GALNT2: variants seen among roughly 807,000 people sequenced by gnomAD.
The protein encoded by GALNT2 is UDP-GalNAc:polypeptide N-acetylgalactosaminyltransferase 2.
In GALNT2, 31 loss-of-function variants were observed where a neutral mutation model predicts 81.4. The ratio of observed to expected loss-of-function variants is 0.38; its 90% CI spans 0.29 to 0.51. The LOEUF (loss-of-function observed/expected upper bound fraction) is 0.51. GALNT2 is among the 20% of genes least tolerant of loss of function. GALNT2 has a pLI of 0.87. For missense variants in GALNT2, 629 were observed against 765.7 expected (o/e 0.82, Z 2.11); for synonymous variants, 303 against 287.4 (o/e 1.05, Z -0.55).
chr1:230,248,479 G>A (rs569359149), intron 8 of GALNT2, among the ~76,000 whole-genome samples: 50 of 152,324 alleles, frequency 3.3e-4, no homozygotes, highest in African/African-American at 1.2e-3. Flanking sequence ...GTGACCCTGG[G>A]AGCAAGAGCG....
chr1:230,246,196 C>G (rs761691510), intron 8 of GALNT2, 46 bp downstream of exon 8: 39 of 1,347,170 alleles, frequency 2.9e-5, no homozygotes, highest in Non-Finnish European at 3.8e-5. Flanking sequence ...CCCGTCTACA[C>G]CAGCATCTGA....
At chr1:230,145,377 G>A (rs890833014) in intron 1 of GALNT2, among the ~76,000 whole-genome samples, 1 of 152,220 alleles carries the variant, frequency 6.6e-6, no homozygotes, top group Non-Finnish European at 1.5e-5. Flanking sequence ...CCTTCTGAGG[G>A]GGTTTGTCCT....
intron 13 of GALNT2, chr1:230,264,687 A>C (rs530532754): frequency 2.0e-5 from 3 of 150,874 alleles, no homozygotes; most frequent in African/African-American, 7.5e-5. Flanking sequence ...CCAAAGGGCA[A>C]ATCGAGCTTC....
At chr1:230,064,252 C>T (rs190089256), upstream of GALNT2, among the ~76,000 whole-genome samples, 311 of 152,254 alleles carry the variant, frequency 2.0e-3, 1 homozygote, top group African/African-American at 7.2e-3. Flanking sequence ...TTCCCCTTCT[C>T]CTCCAGTTGT....
chr1:230,226,648 T>C (rs12031157), intron 3 of GALNT2, among the ~76,000 whole-genome samples: 11,923 of 152,230 alleles, frequency 0.078, 974 homozygotes, highest in African/African-American at 0.19. Flanking sequence ...GCAGGTGCCT[T>C]GACCTGGCTC....
intron 1 of GALNT2, among the ~76,000 whole-genome samples, chr1:230,107,779 T>G (rs866724453): frequency 1.1e-4 from 16 of 152,160 alleles, no homozygotes; most frequent in Admixed American, 7.9e-4. Context: ...GAAATCTTCC[T>G]AGACGATGTT....
rs139591495 is a variant in GALNT2, at chr1:230,243,326, C to T, written c.628C>T (p.Arg210Trp). Residue 210 changes from arginine (R) to tryptophan (W), a missense_variant, in exon 7 of 16, where the codon CGG (arginine) becomes TGG (tryptophan). This residue lies in a region of GALNT2 where 360 missense variants were observed against 492.8 expected (regional missense o/e 0.73). Transcript: ENST00000366672. This position sits in a 1 kb window ranked among gnomAD's most constrained non-coding sequence, Gnocchi z 4.2. Reference protein sequence around the residue: ...RREGLMRSRVRGADAAQAKVL... With the variant: ...RREGLMRSRVWGADAAQAKVL... ...TGCAGGCCTCATGCGCTCACGGGTT[C>T]GGGGGGCCGATGCTGCCCAAGCCAA... 5.6e-6 allele frequency: 9 copies of T among 1,607,480 alleles called. No homozygotes were observed. Among genetic ancestry groups the T allele is most frequent in the African/African-American group, 2.7e-5 (2 of 74,836 alleles).
At chr1:230,114,931 A>G (rs1660801798) in intron 1 of GALNT2, among the ~76,000 whole-genome samples, 1 of 151,652 alleles carries the variant, frequency 6.6e-6, no homozygotes, top group Non-Finnish European at 1.5e-5. Context: ...TTCCCTTCGC[A>G]AGAGTTATAG....
At chr1:230,177,198 GTT>G (rs1663007678) in intron 1 of GALNT2, among the ~76,000 whole-genome samples, 1 of 152,212 alleles carries the variant, frequency 6.6e-6, no homozygotes, top group Non-Finnish European at 1.5e-5. Flanking sequence ...CTCACTTTAC[GTT>G]TTAAGTAAAG....
chr1:230,249,905 C>G (rs991537472), intron 9 of GALNT2, among the ~76,000 whole-genome samples: 3 of 152,250 alleles, frequency 2.0e-5, no homozygotes, highest in African/African-American at 7.2e-5. Flanking sequence ...CGCACAGCAT[C>G]GCTTCTGGGA....
chr1:230,103,102 G>A (rs539268023), intron 1 of GALNT2, among the ~76,000 whole-genome samples: 2 of 152,226 alleles, frequency 1.3e-5, no homozygotes, highest in Admixed American at 6.5e-5. Flanking sequence ...TGGAGGAATT[G>A]TAAAGAGCCT....
chr1:230,133,209 A>G (rs918394904), intron 1 of GALNT2, among the ~76,000 whole-genome samples: 1 of 152,194 alleles, frequency 6.6e-6, no homozygotes, highest in Non-Finnish European at 1.5e-5. Flanking sequence ...AAACCTTTGC[A>G]ATACATTCTT....
intron 3 of GALNT2, among the ~76,000 whole-genome samples, chr1:230,230,444 C>T (rs773962234): frequency 2.0e-5 from 3 of 152,196 alleles, no homozygotes; most frequent in Non-Finnish European, 4.4e-5. Context: ...GCCCAAATGC[C>T]TGCTCATAGA....
At chr1:230,074,858 C>G (rs968300781) in intron 1 of GALNT2, among the ~76,000 whole-genome samples, 5 of 152,166 alleles carry the variant, frequency 3.3e-5, no homozygotes, top group Non-Finnish European at 7.4e-5. Flanking sequence ...TCACAGAGCT[C>G]ACAGGTGGCA....
At chr1:230,152,143 C>T (rs1368969469) in intron 1 of GALNT2, among the ~76,000 whole-genome samples, 1 of 152,206 alleles carries the variant, frequency 6.6e-6, no homozygotes, top group Non-Finnish European at 1.5e-5. Flanking sequence ...AATGCCTTAA[C>T]TGTCTGGGAA....
intron 1 of GALNT2, among the ~76,000 whole-genome samples, chr1:230,155,922 G>C (rs1490047510): frequency 2.6e-5 from 4 of 152,122 alleles, no homozygotes; most frequent in African/African-American, 9.7e-5. Context: ...CACATGGAGA[G>C]GGGAGGGAAC....
intron 1 of GALNT2, among the ~76,000 whole-genome samples, chr1:230,132,233 G>A (rs1158353572): frequency 6.6e-6 from 1 of 152,182 alleles, no homozygotes; most frequent in Non-Finnish European, 1.5e-5. Flanking sequence ...AGGGTCCTGG[G>A]AGTAACTCTC....
chr1:230,099,764 G>A (rs1326297307), intron 1 of GALNT2, among the ~76,000 whole-genome samples: 1 of 152,236 alleles, frequency 6.6e-6, no homozygotes, highest in African/African-American at 2.4e-5. Flanking sequence ...TGTCTCTGCA[G>A]ATAGCTTGGC....
intron 3 of GALNT2, among the ~76,000 whole-genome samples, chr1:230,230,530 A>G (rs1355288613): frequency 6.6e-6 from 1 of 151,940 alleles, no homozygotes; most frequent in Admixed American, 6.6e-5. Context: ...CCTACACAGG[A>G]CTCCAGTCCT....
Sources: allele counts gnomAD v4.1 joint callset (sites outside exome capture counted in the v4.1 genomes callset), GRCh38; gene constraint gnomAD v4.1.1; regional missense constraint gnomAD v4.1.1; non-coding constraint Gnocchi (gnomAD v3.1); transcripts MANE v1.5; gene names NCBI Gene and HGNC (gene_info 2026-07-23, HGNC 2026-07-21).